The following CBL variants were observed in gnomAD, a reference collection of about 807,000 sequenced individuals.
CBL encodes E3 ubiquitin-protein ligase CBL.
In CBL, 45 loss-of-function variants were observed where a neutral mutation model predicts 96.9. The ratio of observed to expected loss-of-function variants is 0.46; its 90% CI spans 0.37 to 0.60. The LOEUF (loss-of-function observed/expected upper bound fraction) is 0.60, where lower values mean the gene tolerates loss of function less well. Among genes scored for constraint, CBL ranks in the 20% least tolerant of loss-of-function variants. The pLI is 0.00. For synonymous variants in CBL, 420 were observed against 426.8 expected (o/e 0.98, Z 0.20); for missense variants, 1,024 against 1,143.5 (o/e 0.90, Z 1.51).
At chr11:119,292,137 G>A (rs1591267497) in intron 12 of CBL, among the ~76,000 whole-genome samples, 1 of 152,212 alleles carries the variant, frequency 6.6e-6, no homozygotes, top group East Asian at 1.9e-4. Flanking sequence ...ACAGGCATGA[G>A]CCACTGCACC....
In CBL at chr11:119,232,702, G is replaced by T; in HGVS notation, c.443+7G>T. Reference sequence around the variant, plus strand: ...AGGAGAATTCTCAGCCTAGGTAATGGAGAAATACTACACAAATAATTATGC... The same window carrying T: ...AGGAGAATTCTCAGCCTAGGTAATGTAGAAATACTACACAAATAATTATGC... On this transcript the variant is annotated splice_region_variant and intron_variant, in intron 2 of 15. Coordinates refer to ENST00000264033, the MANE Select transcript of CBL (RefSeq NM_005188.4). The T allele has an allele frequency of 6.2e-7, 1 of 1,612,080 alleles. No individual in the cohort carries two copies. The highest frequency in any genetic ancestry group is 1.1e-5 in the South Asian group (1 of 90,822).
chr11:119,281,484 C>T (rs1045645714), intron 9 of CBL, among the ~76,000 whole-genome samples: 2 of 147,382 alleles, frequency 1.4e-5, no homozygotes, highest in Non-Finnish European at 3.0e-5. Context: ...TTCCCTCTGT[C>T]ACCAAAAGCC....
At chr11:119,292,083 T>G (rs574900853) in intron 12 of CBL, among the ~76,000 whole-genome samples, 1 of 152,296 alleles carries the variant, frequency 6.6e-6, no homozygotes, top group South Asian at 2.1e-4. Context: ...GAACTGCTAA[T>G]GTCAAATGAT....
At chr11:119,221,260 T>TA (rs1250024526) in intron 1 of CBL, among the ~76,000 whole-genome samples, 7 of 146,288 alleles carry the variant, frequency 4.8e-5, no homozygotes, top group Admixed American at 4.8e-4. Flanking sequence ...AAAAAAAAAG[T>TA]ATAGGTTTCC....
chr11:119,294,535 C>T (rs375404214), intron 12 of CBL, among the ~76,000 whole-genome samples: 1 of 152,062 alleles, frequency 6.6e-6, no homozygotes, highest in Non-Finnish European at 1.5e-5. Flanking sequence ...TGGCTCACGC[C>T]TGTAATCCCA....
At position 119,304,555 on chromosome 11, in the gene CBL, A is replaced by C. The variant is rs1460980446; in HGVS notation, c.*4774A>C. ...TGGTATATGTGGCCCCCAAATAGGC[A>C]CTCTAGTCCTCAAGTCTACACCACC... On this transcript the variant is annotated 3_prime_UTR_variant, in exon 16 of 16. Coordinates refer to ENST00000264033, the MANE Select transcript of CBL (RefSeq NM_005188.4). 1 of 232,012 alleles carries C rather than the reference A, an allele frequency of 4.3e-6. No homozygotes were observed. The highest frequency in any genetic ancestry group is 8.5e-6 in the Non-Finnish European group (1 of 117,720). 14.4% of individuals were successfully genotyped at this position (232,012 alleles called of 1,614,324 possible). A position where few individuals can be genotyped will look rare whatever the true frequency, so the allele number is the denominator to read the frequency against.
chr11:119,231,523 A>G (rs944037618), intron 1 of CBL, among the ~76,000 whole-genome samples: 3 of 152,006 alleles, frequency 2.0e-5, no homozygotes, highest in African/African-American at 7.3e-5. Context: ...AGGCTGACCA[A>G]CATGGAGAAA....
chr11:119,265,680 A>G (rs909188702), intron 2 of CBL, among the ~76,000 whole-genome samples: 4 of 152,118 alleles, frequency 2.6e-5, no homozygotes, highest in African/African-American at 9.7e-5. Context: ...TGAGATCAGG[A>G]GTTCGAGACC....
rs994266660 is a variant in CBL at position 119,278,387 on chromosome 11, T to C, written c.1227+90T>C. 2.6e-6 allele frequency: 4 copies of C among 1,557,188 alleles called. No individual in the cohort carries two copies. In the African/African-American group the frequency reaches 5.4e-5, roughly 21 times the overall value. On this transcript the variant is annotated intron_variant, in intron 8 of 15. Transcript: ENST00000264033. Reference sequence around the variant, plus strand: ...GCCTTTACTGATACAAGGGGTGGCCTGGCTTTTGGGGTTAGGTTTAAACTT... The same window carrying C: ...GCCTTTACTGATACAAGGGGTGGCCCGGCTTTTGGGGTTAGGTTTAAACTT...
At chr11:119,248,878 A>G (rs1210903573) in intron 2 of CBL, among the ~76,000 whole-genome samples, 1 of 152,234 alleles carries the variant, frequency 6.6e-6, no homozygotes, top group Non-Finnish European at 1.5e-5. Flanking sequence ...TCATGAAAGG[A>G]TGCTCAACAT....
chr11:119,262,267 G>T (rs1565867713), intron 2 of CBL, among the ~76,000 whole-genome samples: 1 of 152,168 alleles, frequency 6.6e-6, no homozygotes, highest in Non-Finnish European at 1.5e-5. Context: ...ACTAAGAAAT[G>T]ATTACAGACC....
At chr11:119,243,964 A>G (rs754049862) in intron 2 of CBL, among the ~76,000 whole-genome samples, 9 of 152,110 alleles carry the variant, frequency 5.9e-5, no homozygotes, top group Non-Finnish European at 8.8e-5. Flanking sequence ...CCTGTGCTTA[A>G]GTGATCCTTT....
intron 2 of CBL, among the ~76,000 whole-genome samples, chr11:119,255,343 T>G (rs1949703704): frequency 6.6e-6 from 1 of 152,068 alleles, no homozygotes; most frequent in South Asian, 2.1e-4. Flanking sequence ...TTGGCCAAAT[T>G]TGGTAATCCA....
intron 2 of CBL, among the ~76,000 whole-genome samples, chr11:119,271,324 C>CTT (rs1949847385): frequency 6.6e-6 from 1 of 152,114 alleles, no homozygotes; most frequent in African/African-American, 2.4e-5. Flanking sequence ...AGCTATTAAG[C>CTT]TTTATTAATT....
intron 12 of CBL, among the ~76,000 whole-genome samples, chr11:119,294,443 T>C (rs1263573214): frequency 2.7e-5 from 4 of 149,614 alleles, no homozygotes; most frequent in Non-Finnish European, 5.9e-5. Context: ...AAAAAAATTA[T>C]TGCCTTTTTA....
At chr11:119,232,752 A>G (rs1949513977) in intron 2 of CBL, 57 bp downstream of exon 2, 5 of 1,532,666 alleles carry the variant, frequency 3.3e-6, no homozygotes, top group Non-Finnish European at 4.5e-6. Flanking sequence ...CTGAATGGGT[A>G]ACACATAGAA....
intron 2 of CBL, among the ~76,000 whole-genome samples, chr11:119,256,276 C>G (rs1380120414): frequency 6.6e-6 from 1 of 151,686 alleles, no homozygotes; most frequent in East Asian, 1.9e-4. Context: ...ACTGCAACCT[C>G]CGCCTCCTGG....
chr11:119,298,607 G>A (rs1950079784), intron 15 of CBL, 67 bp downstream of exon 15: 1 of 1,357,198 alleles, frequency 7.4e-7, no homozygotes, highest in Admixed American at 1.7e-5. Context: ...ATATTGAAAG[G>A]GAGATGACCT....
At chr11:119,278,851 A>G (rs1949910835) in intron 9 of CBL, 138 bp downstream of exon 9, 1 of 750,506 alleles carries the variant, frequency 1.3e-6, no homozygotes, top group South Asian at 1.5e-5. Context: ...TATATGACAG[A>G]TATTGTGTTA....
Sources: allele counts gnomAD v4.1 joint callset (sites outside exome capture counted in the v4.1 genomes callset), GRCh38; gene constraint gnomAD v4.1.1; transcripts MANE v1.5; gene names NCBI Gene and HGNC (gene_info 2026-07-23, HGNC 2026-07-21).